Variants in P2RY2 observed in about 807,000 individuals in gnomAD.
P2RY2 encodes P2Y purinoceptor 2.
For synonymous variants in P2RY2, 241 were observed against 231.9 expected (o/e 1.04, Z -0.35); for missense variants, 567 against 515.7 (o/e 1.10, Z -0.96).
At position 73,236,225 on chromosome 11, in the gene P2RY2, T is replaced by C. The variant is rs1862649354; in HGVS notation, c.*932T>C. On this transcript the variant is annotated 3_prime_UTR_variant, in exon 3 of 3. Coordinates refer to ENST00000393597, the MANE Select transcript of P2RY2 (RefSeq NM_002564.4). ...ATGGCCAGTCATGTGCTGGTAAATG[T>C]TAAGCCATTTAACTGGAGCTCCGAT... 1 of 981,862 alleles carries C rather than the reference T, an allele frequency of 1.0e-6. No individual in the cohort carries two copies. Among genetic ancestry groups the C allele is most frequent in the Non-Finnish European group, 1.2e-6 (1 of 813,312 alleles). The allele number at this position is 981,862 out of a possible 1,614,324, so 60.8% of individuals were successfully genotyped here. A position where few individuals can be genotyped will look rare whatever the true frequency, so the allele number is the denominator to read the frequency against.
Position 73,235,403 on chromosome 11 carries a change from G to A in P2RY2, c.*110G>A. The A allele has an allele frequency of 2.0e-6, 3 of 1,480,014 alleles. No individual in the cohort carries two copies. The highest frequency in any genetic ancestry group is 2.7e-6 in the Non-Finnish European group (3 of 1,115,382). 91.7% of individuals were successfully genotyped at this position (1,480,014 alleles called of 1,614,324 possible). A position where few individuals can be genotyped will look rare whatever the true frequency, so the allele number is the denominator to read the frequency against. On this transcript the variant is annotated 3_prime_UTR_variant, in exon 3 of 3. Transcript: ENST00000393597. ...TATGGACCATCAGTGACTCATGCTG[G>A]ATGACCCCATGCTCCGTCATTTGAC...
rs935189824 is a variant in P2RY2 at position 73,235,959 on chromosome 11, G to A, written c.*666G>A. ...AGCTGTGCCCTATTGTGTGGTCGGG[G>A]GATGAGGATATGGCAGGGAAGCTTT... is the stretch of plus-strand genomic sequence containing the variant. On this transcript the variant is annotated 3_prime_UTR_variant, in exon 3 of 3. Transcript: ENST00000393597. 14 of 1,000,202 alleles carry A rather than the reference G, an allele frequency of 1.4e-5. No homozygotes were observed. Among genetic ancestry groups the A allele is most frequent in the African/African-American group, 1.7e-5 (1 of 57,216 alleles). 62.0% of individuals were successfully genotyped at this position (1,000,202 alleles called of 1,614,324 possible). A position where few individuals can be genotyped will look rare whatever the true frequency, so the allele number is the denominator to read the frequency against.
At position 73,238,703 on chromosome 11, in the gene P2RY2, G is replaced by A. The variant is rs550108340; in HGVS notation, c.*3410G>A. On this transcript the variant is annotated 3_prime_UTR_variant, in exon 3 of 3. Coordinates refer to ENST00000393597, the MANE Select transcript of P2RY2 (RefSeq NM_002564.4). ...GCAGATGAGGAAACAGGAGAAGGGCGTGAGAAGTGAGGACTTGTTCCAGGT... is the reference window on the plus strand; with the variant it reads ...GCAGATGAGGAAACAGGAGAAGGGCATGAGAAGTGAGGACTTGTTCCAGGT... Among the ~76,000 whole-genome samples, 92 of 152,344 alleles carry A rather than the reference G, an allele frequency of 6.0e-4. No individual in the cohort carries two copies. Among genetic ancestry groups the A allele is most frequent in the African/African-American group, 2.1e-3 (87 of 41,578 alleles).
intron 2 of P2RY2, among the ~76,000 whole-genome samples, chr11:73,228,394 C>T (rs2135637954): frequency 6.6e-6 from 1 of 152,358 alleles, no homozygotes; most frequent in East Asian, 1.9e-4. Flanking sequence ...GGCAGTGTGA[C>T]CTTGTACAAA....
At chr11:73,221,602 G>A (rs1410207257) in intron 1 of P2RY2, among the ~76,000 whole-genome samples, 1 of 152,152 alleles carries the variant, frequency 6.6e-6, no homozygotes, top group Non-Finnish European at 1.5e-5. Context: ...AGTGGGGGTT[G>A]CCCCTCATGC....
At chr11:73,233,044 G>C (rs1018001204) in intron 2 of P2RY2, among the ~76,000 whole-genome samples, 1 of 152,132 alleles carries the variant, frequency 6.6e-6, no homozygotes, top group Non-Finnish European at 1.5e-5. Context: ...TGCTCAGTGG[G>C]GACAAGGTTG....
At chr11:73,230,520 C>T (rs1311327796) in intron 2 of P2RY2, among the ~76,000 whole-genome samples, 3 of 152,150 alleles carry the variant, frequency 2.0e-5, no homozygotes, top group Non-Finnish European at 2.9e-5. Flanking sequence ...TGACTCGACC[C>T]TCACAGCAGT....
intron 1 of P2RY2, among the ~76,000 whole-genome samples, chr11:73,223,853 C>T (rs1018417009): frequency 9.2e-5 from 14 of 152,130 alleles, no homozygotes; most frequent in Non-Finnish European, 1.8e-4. Flanking sequence ...TGGTCAAACC[C>T]ACACTGACAA....
At chr11:73,223,731 T>A (rs1224498364) in intron 1 of P2RY2, among the ~76,000 whole-genome samples, 2 of 152,210 alleles carry the variant, frequency 1.3e-5, no homozygotes, top group Non-Finnish European at 1.5e-5. Context: ...CAGGACGTTG[T>A]GGTTCTGAGC....
In P2RY2 at chr11:73,236,884, G is replaced by A. The variant is rs1175637849; in HGVS notation, c.*1591G>A. 2 of 985,136 alleles carry A rather than the reference G, an allele frequency of 2.0e-6. No individual in the cohort carries two copies. Among genetic ancestry groups the A allele is most frequent in the African/African-American group, 1.7e-5 (1 of 57,318 alleles). The allele number at this position is 985,136 out of a possible 1,614,324, so 61.0% of individuals were successfully genotyped here. A position where few individuals can be genotyped will look rare whatever the true frequency, so the allele number is the denominator to read the frequency against. ...GACGTGTGGCGCTCAGCTGGACAGG[G>A]CCCCGCCCTAGCCTTTGGAAAGGGA... On this transcript the variant is annotated 3_prime_UTR_variant, in exon 3 of 3. Transcript: ENST00000393597.
chr11:73,233,957 C>T, intron 2 of P2RY2, 199 bp from the exon 3 acceptor site: 2 of 636,398 alleles, frequency 3.1e-6, no homozygotes, highest in East Asian at 2.8e-5. Flanking sequence ...TTTGTCTACC[C>T]CTGTTCTCAA....
At position 73,234,557 on chromosome 11, in the gene P2RY2, T is replaced by C. The variant is rs1321710630; in HGVS notation, c.398T>C (p.Leu133Pro). The part of the protein sequence containing the change: ...FLTCISVHRC[L>P]GVLRPLRSLR... ...ACCTGCATCAGCGTGCACCGGTGTC[T>C]GGGCGTCTTACGACCTCTGCGCTCC... The change falls in exon 3 of 3, where the codon CTG becomes CCG. Residue 133 changes from leucine (L) to proline (P), a missense_variant. Transcript: ENST00000393597. The C allele has an allele frequency of 1.3e-6, 2 of 1,594,512 alleles. No individual in the cohort carries two copies. The highest frequency in any genetic ancestry group is 2.7e-5 in the African/African-American group (2 of 74,534).
intron 1 of P2RY2, among the ~76,000 whole-genome samples, chr11:73,224,853 T>C (rs1371620475): frequency 6.6e-6 from 1 of 152,190 alleles, no homozygotes; most frequent in East Asian, 1.9e-4. Flanking sequence ...TATTCTCTCT[T>C]ACTATTTCAT....
At position 73,239,828 on chromosome 11, in the gene P2RY2, A is replaced by G. The variant is rs1009591330; in HGVS notation, c.*4535A>G. The G allele has an allele frequency of 1.3e-5, 2 of 152,332 alleles. No homozygotes were observed. Among genetic ancestry groups the G allele is most frequent in the Non-Finnish European group, 2.9e-5 (2 of 68,148 alleles). The allele number at this position is 152,332 out of a possible 1,614,324, so 9.4% of individuals were successfully genotyped here. ...TAGGGTGGAGGCAGTGTTTCTCCCC[A>G]GCATCAAGTGACCAGAGAAGTGAAG... On this transcript the variant is annotated 3_prime_UTR_variant, in exon 3 of 3. Coordinates refer to ENST00000393597, the MANE Select transcript of P2RY2 (RefSeq NM_002564.4).
intron 2 of P2RY2, among the ~76,000 whole-genome samples, chr11:73,230,620 G>T (rs1413859164): frequency 6.6e-6 from 1 of 152,128 alleles, no homozygotes; most frequent in Admixed American, 6.5e-5. Context: ...TAATCACTGG[G>T]TTCTCTGCAC....
rs563256967 is a variant in P2RY2, at chr11:73,240,860, C to G, written c.*5567C>G. Reference sequence around the variant, plus strand: ...CCAGTGCAGGGGCCTGACCTTAAACCCTTTCTCCCCACTGAGTCCCATTTT... The same window carrying G: ...CCAGTGCAGGGGCCTGACCTTAAACGCTTTCTCCCCACTGAGTCCCATTTT... On this transcript the variant is annotated 3_prime_UTR_variant, in exon 3 of 3. Coordinates refer to ENST00000393597, the MANE Select transcript of P2RY2 (RefSeq NM_002564.4). The G allele has an allele frequency of 5.3e-5, 8 of 152,344 alleles. No homozygotes were observed. Among genetic ancestry groups the G allele is most frequent in the African/African-American group, 1.9e-4 (8 of 41,558 alleles). The allele number at this position is 152,344 out of a possible 1,614,324, so 9.4% of individuals were successfully genotyped here. A position where few individuals can be genotyped will look rare whatever the true frequency, so the allele number is the denominator to read the frequency against.
intron 1 of P2RY2, among the ~76,000 whole-genome samples, chr11:73,220,236 C>T (rs1374313041): frequency 6.6e-6 from 1 of 152,190 alleles, no homozygotes; most frequent in Admixed American, 6.5e-5. Flanking sequence ...ATCTGGGACA[C>T]TGTAGGACCT....
chr11:73,236,554 T>TG lies in P2RY2; in HGVS notation c.*1265dup. The TG allele has an allele frequency of 1.0e-6, 1 of 985,112 alleles. No homozygotes were observed. The highest frequency in any genetic ancestry group is 1.2e-6 in the Non-Finnish European group (1 of 829,806). 61.0% of individuals were successfully genotyped at this position (985,112 alleles called of 1,614,324 possible). ...ACAGGATGCATCCCAGGCAAAGACA[T>TG]GGGGCAAGAGGGCAGGGTGTGCATG... On this transcript the variant is annotated 3_prime_UTR_variant, in exon 3 of 3. Transcript: ENST00000393597.
intron 2 of P2RY2, among the ~76,000 whole-genome samples, chr11:73,233,292 G>T (rs1862513347): frequency 6.6e-6 from 1 of 152,250 alleles, no homozygotes; most frequent in South Asian, 2.1e-4. Flanking sequence ...TGTAAAAAGT[G>T]AAGGAATAAC....
Sources: gnomAD v4.1 joint callset for allele counts (sites outside exome capture counted in the v4.1 genomes callset) on GRCh38, gnomAD v4.1.1 for gene constraint, MANE v1.5 for transcripts, NCBI Gene and HGNC (gene_info 2026-07-23, HGNC 2026-07-21) for gene names.